Variants in PCDHGC3 observed in about 807,000 individuals in gnomAD.
PCDHGC3 encodes protocadherin gamma subfamily C, 3, also known as protocadherin gamma-C3.
In PCDHGC3, 26 loss-of-function variants were observed where a neutral mutation model predicts 59.2. The ratio of observed to expected loss-of-function variants is 0.44; its 90% CI spans 0.32 to 0.61. The LOEUF (loss-of-function observed/expected upper bound fraction) is 0.61. PCDHGC3 is among the 20% of genes least tolerant of loss of function. The pLI is 0.05. For synonymous variants in PCDHGC3, 487 were observed against 519.7 expected (o/e 0.94, Z 0.86); for missense variants, 1,080 against 1,221.8 (o/e 0.88, Z 1.73).
chr5:141,476,672 A>T lies in PCDHGC3; in HGVS notation c.556A>T (p.Thr186Ser). 6.2e-7 allele frequency: 1 copy of T among 1,614,206 alleles called. No individual in the cohort carries two copies. Among genetic ancestry groups the T allele is most frequent in the African/African-American group, 1.3e-5 (1 of 75,058 alleles). ...RNEYFALRVQTREDSTKYAEL... is the reference protein window; with the variant it reads ...RNEYFALRVQSREDSTKYAEL... ...TGAATACTTTGCGCTTCGCGTGCAG[A>T]CGCGGGAGGACAGCACCAAGTACGC... The change falls in exon 1 of 4, where the codon ACG becomes TCG. Residue 186 changes from threonine (T) to serine (S), a missense_variant. By Grantham distance (58) the Thr-to-Ser change is moderately conservative (BLOSUM62 1). Transcript: ENST00000308177. The surrounding 1 kb of genome is among the most constrained non-coding windows in gnomAD (Gnocchi z 7.6).
intron 3 of PCDHGC3, among the ~76,000 whole-genome samples, chr5:141,508,658 A>G (rs1420910010): frequency 2.0e-5 from 3 of 152,086 alleles, no homozygotes; most frequent in African/African-American, 4.8e-5. Flanking sequence ...CCTTCCTGTC[A>G]TTCTGTCTCT....
intron 3 of PCDHGC3, among the ~76,000 whole-genome samples, chr5:141,506,923 C>G: frequency 6.6e-6 from 1 of 152,184 alleles, no homozygotes; most frequent in African/African-American, 2.4e-5. Flanking sequence ...ACATACTAAA[C>G]AAACTTTAGG....
rs766164142 is a variant in PCDHGC3, at chr5:141,477,910, G to A, written c.1794G>A (p.Ala598=). The change falls in exon 1 of 4, where the codon GCG becomes GCA. Residue 598 remains alanine (A), a synonymous_variant. Transcript: ENST00000308177. The surrounding 1 kb of genome is among the most constrained non-coding windows in gnomAD (Gnocchi z 4.9). ...TGTCACGGGTGGTAGGCTGGGACGC[G>A]GATGCAGGGCACAATGCCTGGCTCT... The part of the protein sequence containing the change: ...HLVSRVVGWD[A]DAGHNAWLSY... 6.2e-7 allele frequency: 1 copy of A among 1,614,166 alleles called. No individual in the cohort carries two copies. Among genetic ancestry groups the A allele is most frequent in the Admixed American group, 1.7e-5 (1 of 60,020 alleles).
intron 2 of PCDHGC3, 117 bp downstream of exon 2, chr5:141,494,982 G>C: frequency 6.4e-7 from 1 of 1,563,940 alleles, no homozygotes; most frequent in Non-Finnish European, 8.7e-7. Context: ...CTCAGTTTGA[G>C]ATCCCAGGGA....
intron 1 of PCDHGC3, among the ~76,000 whole-genome samples, chr5:141,488,741 C>A (rs2099678972): frequency 1.3e-5 from 2 of 152,310 alleles, no homozygotes; most frequent in South Asian, 4.1e-4. Context: ...TGAAGTCATG[C>A]AGGAAGTTGC....
Position 141,511,225 on chromosome 5 carries a change from C to A in PCDHGC3, c.*52C>A. ...GGCGGCCTCTCCCCAACCAGCCCAG[C>A]TTCTCCTTACCTGCACCCAGGCCTC... On this transcript the variant is annotated 3_prime_UTR_variant, in exon 4 of 4. Transcript: ENST00000308177. The A allele has an allele frequency of 6.2e-7, 1 of 1,601,624 alleles. No individual in the cohort carries two copies. Among genetic ancestry groups the A allele is most frequent in the Non-Finnish European group, 8.5e-7 (1 of 1,174,162 alleles).
At chr5:141,478,850 A>T in intron 1 of PCDHGC3, 1 of 1,376,726 alleles carries the variant, frequency 7.3e-7, no homozygotes, top group South Asian at 1.5e-5. Context: ...AAGCTAAAAC[A>T]CAAGATCTCA....
At chr5:141,483,084 CA>C (rs898059463) in intron 1 of PCDHGC3, among the ~76,000 whole-genome samples, 4 of 150,440 alleles carry the variant, frequency 2.7e-5, no homozygotes, top group Middle Eastern at 3.4e-3. Flanking sequence ...GACTCCATCT[CA>C]AAAAAAAAGT....
intron 2 of PCDHGC3, among the ~76,000 whole-genome samples, chr5:141,505,146 A>G (rs2099844101): frequency 6.6e-6 from 1 of 152,190 alleles, no homozygotes; most frequent in Non-Finnish European, 1.5e-5. Flanking sequence ...TGGATGACAG[A>G]GTAAGACCCT....
rs1323163663 is a variant in PCDHGC3 at position 141,478,127 on chromosome 5, C to T, written c.2011C>T (p.Pro671Ser). The T allele has an allele frequency of 6.2e-7, 1 of 1,613,988 alleles. No homozygotes were observed. The highest frequency in any genetic ancestry group is 1.7e-5 in the Admixed American group (1 of 60,008). The change falls in exon 1 of 4, where the codon CCT becomes TCT. Residue 671 changes from proline (P) to serine (S), a missense_variant. Physicochemically the swap from Pro to Ser is moderately conservative, Grantham distance 74 (BLOSUM62 -1). Transcript: ENST00000308177. ...CACTGTGTCAGTAACCGAGGACTCTCCTGAAGCCCGAGCCGAGTTCCCCTC... is the reference window on the plus strand; with the variant it reads ...CACTGTGTCAGTAACCGAGGACTCTTCTGAAGCCCGAGCCGAGTTCCCCTC... ...TLTVSVTEDS[P>S]EARAEFPSGS... is the part of the protein sequence containing the mutation.
intron 3 of PCDHGC3, among the ~76,000 whole-genome samples, chr5:141,506,132 G>T (rs114930087): frequency 1.2e-4 from 18 of 152,310 alleles, no homozygotes; most frequent in African/African-American, 4.3e-4. Context: ...CAGAGCAGGA[G>T]AAGAAGAATA....
At position 141,486,004 on chromosome 5, in the gene PCDHGC3, C is replaced by T; in HGVS notation, c.2430+7458C>T. The T allele has an allele frequency of 6.2e-7, 1 of 1,614,184 alleles. No homozygotes were observed. The highest frequency in any genetic ancestry group is 8.5e-7 in the Non-Finnish European group (1 of 1,180,008). The stretch of plus-strand genomic sequence containing the variant: ...CGGACCTGGGTCCCAGTGGTAACGT[C>T]ACCTTTTATTTCAGTGGTCATACCC... On this transcript the variant is annotated intron_variant, in intron 1 of 3. Coordinates refer to ENST00000308177, the MANE Select transcript of PCDHGC3 (RefSeq NM_002588.4). This position sits in a 1 kb window ranked among gnomAD's most constrained non-coding sequence, Gnocchi z 5.0.
chr5:141,487,848 G>C lies in PCDHGC3; in HGVS notation c.2431-6959G>C. ...TCATGCCTATATCTGAGTAAGAAAT[G>C]AAAGTAATTGGTGATCAAGAGCCAG... is the stretch of plus-strand genomic sequence containing the variant. On this transcript the variant is annotated intron_variant, in intron 1 of 3. Coordinates refer to ENST00000308177, the MANE Select transcript of PCDHGC3 (RefSeq NM_002588.4). The surrounding 1 kb of genome is among the most constrained non-coding windows in gnomAD (Gnocchi z 5.0). 1 of 1,022,244 alleles carries C rather than the reference G, an allele frequency of 9.8e-7. No homozygotes were observed. The highest frequency in any genetic ancestry group is 1.4e-6 in the Non-Finnish European group (1 of 711,992). The allele number at this position is 1,022,244 out of a possible 1,614,324, so 63.3% of individuals were successfully genotyped here. A position where few individuals can be genotyped will look rare whatever the true frequency, so the allele number is the denominator to read the frequency against.
intron 1 of PCDHGC3, 54 bp downstream of exon 1, chr5:141,478,600 C>T (rs762531135): frequency 6.4e-7 from 1 of 1,565,134 alleles, no homozygotes. Context: ...ATTCCTACAT[C>T]ATATTGAGGA....
chr5:141,482,032 C>T (rs1370023352), intron 1 of PCDHGC3, among the ~76,000 whole-genome samples: 1 of 151,018 alleles, frequency 6.6e-6, no homozygotes, highest in African/African-American at 2.4e-5. Flanking sequence ...TTGCAGTGAG[C>T]CAAGATCATG....
At chr5:141,495,613 G>A (rs1230710705) in intron 2 of PCDHGC3, among the ~76,000 whole-genome samples, 2 of 152,068 alleles carry the variant, frequency 1.3e-5, no homozygotes, top group Non-Finnish European at 2.9e-5. Flanking sequence ...CTTGATTGCT[G>A]CACCTCAGCC....
At position 141,478,532 on chromosome 5, in the gene PCDHGC3, G is replaced by T; in HGVS notation, c.2416G>T (p.Ala806Ser). Residue 806 changes from alanine to serine, a missense_variant, in exon 1 of 4, where the codon GCC (alanine) becomes TCC (serine). Transcript: ENST00000308177. Reference sequence around the variant, plus strand: ...TAGGCAGGTGTTGGGTGCAGAGAGCGCCCCTCCCGGACAGGTAAGGTTTAG... The same window carrying T: ...TAGGCAGGTGTTGGGTGCAGAGAGCTCCCCTCCCGGACAGGTAAGGTTTAG... ...FYRQVLGAES[A>S]PPGQQAPPNT... is the part of the protein sequence containing the mutation. 6.2e-7 allele frequency: 1 copy of T among 1,607,858 alleles called. No homozygotes were observed. The highest frequency in any genetic ancestry group is 2.2e-5 in the East Asian group (1 of 44,668).
At position 141,491,672 on chromosome 5, in the gene PCDHGC3, G is replaced by A. The variant is rs754836157; in HGVS notation, c.2431-3135G>A. The A allele has an allele frequency of 9.9e-6, 16 of 1,613,494 alleles. No homozygotes were observed. The South Asian group carries it at 1.4e-4, about 14-fold the overall frequency. On this transcript the variant is annotated intron_variant, in intron 1 of 3. Transcript: ENST00000308177. This position sits in a 1 kb window ranked among gnomAD's most constrained non-coding sequence, Gnocchi z 6.9. ...CTGGAGCCTGACGCCATCCGGTCCCGCTCTAATACGCTGCGGGAGCGGAGC... is the reference window on the plus strand; with the variant it reads ...CTGGAGCCTGACGCCATCCGGTCCCACTCTAATACGCTGCGGGAGCGGAGC...
rs200064261 is a variant in PCDHGC3, at chr5:141,487,515, G to A, written c.2431-7292G>A. 3.7e-5 allele frequency: 59 copies of A among 1,614,018 alleles called. No homozygotes were observed. The highest frequency in any genetic ancestry group is 8.8e-5 in the South Asian group (8 of 91,086). On this transcript the variant is annotated intron_variant, in intron 1 of 3. Coordinates refer to ENST00000308177, the MANE Select transcript of PCDHGC3 (RefSeq NM_002588.4). The surrounding 1 kb of genome is among the most constrained non-coding windows in gnomAD (Gnocchi z 5.0). Reference sequence around the variant, plus strand: ...ACACCCTTGGCTTCTGCACCCACTCGGAGTGATAGCTTCATGATGGTGAAG... The same window carrying A: ...ACACCCTTGGCTTCTGCACCCACTCAGAGTGATAGCTTCATGATGGTGAAG...
Sources: gnomAD v4.1 joint callset for allele counts (sites outside exome capture counted in the v4.1 genomes callset) on GRCh38, gnomAD v4.1.1 for gene constraint, Gnocchi (gnomAD v3.1) non-coding constraint, MANE v1.5 for transcripts, NCBI Gene and HGNC (gene_info 2026-07-23, HGNC 2026-07-21) for gene names.